RABGAP1L: variants seen among roughly 807,000 people sequenced by gnomAD.
RABGAP1L encodes the protein rab GTPase-activating protein 1-like.
RABGAP1L carries 63 observed loss-of-function variants against 137.7 expected under a neutral mutation model. That is an observed-to-expected ratio of 0.46 (90% confidence interval 0.37 to 0.56). The LOEUF (loss-of-function observed/expected upper bound fraction) is 0.56. RABGAP1L is among the 20% of genes least tolerant of loss of function. The pLI is 0.00. For missense variants in RABGAP1L, 1,095 were observed against 1,244.0 expected, an observed-to-expected ratio of 0.88 and a Z score of 1.80; for synonymous variants, 431 against 433.7, an observed-to-expected ratio of 0.99 and a Z score of 0.08.
At chr1:174,915,425 T>A (rs998039615) in intron 19 of RABGAP1L, among the ~76,000 whole-genome samples, 2 of 152,084 alleles carry the variant, frequency 1.3e-5, no homozygotes, top group African/African-American at 4.8e-5. Flanking sequence ...CTTTATATAT[T>A]TTCTTTGGTA....
chr1:174,496,951 A>G (rs1381374308), intron 13 of RABGAP1L, among the ~76,000 whole-genome samples: 1 of 152,222 alleles, frequency 6.6e-6, no homozygotes, highest in Admixed American at 6.5e-5. Flanking sequence ...TATAAAATGT[A>G]GAAATGAAAT....
In RABGAP1L at chr1:174,293,999, C is replaced by T. The variant is rs192498970; in HGVS notation, c.1324-10987C>T. ...CCTTATTGGAGTTCAGTTAGACATC[C>T]TAGGTTTGTATCCAGTTTACTCTGG... On this transcript the variant is annotated intron_variant, in intron 10 of 25. Transcript: ENST00000681986. 1.7e-3 allele frequency among the ~76,000 whole-genome samples: 258 copies of T among 152,062 alleles called. 2 individuals are homozygous for T. The highest frequency in any genetic ancestry group is 2.2e-3 in the Non-Finnish European group (149 of 67,952).
intron 15 of RABGAP1L, among the ~76,000 whole-genome samples, chr1:174,692,431 A>G (rs1678937295): frequency 6.6e-6 from 1 of 152,210 alleles, no homozygotes; most frequent in Admixed American, 6.5e-5. Flanking sequence ...GAGCTGTGCT[A>G]TAGAGTATAT....
chr1:174,703,485 C>T (rs1679816654), intron 17 of RABGAP1L, among the ~76,000 whole-genome samples: 2 of 152,148 alleles, frequency 1.3e-5, no homozygotes, highest in Non-Finnish European at 1.5e-5. Flanking sequence ...TCCAGTCATC[C>T]ACTGATGGAC....
At chr1:174,876,821 A>G (rs1170503990) in intron 19 of RABGAP1L, among the ~76,000 whole-genome samples, 1 of 152,080 alleles carries the variant, frequency 6.6e-6, no homozygotes, top group Non-Finnish European at 1.5e-5. Context: ...TTATTAATTG[A>G]TATCGCTGTC....
chr1:174,436,984 T>G (rs1295401037), intron 13 of RABGAP1L, among the ~76,000 whole-genome samples: 2 of 152,234 alleles, frequency 1.3e-5, no homozygotes, highest in African/African-American at 2.4e-5. Context: ...TCCAGGAAAC[T>G]CCAACAGACC....
chr1:174,604,090 G>T (rs1457965911), intron 13 of RABGAP1L, among the ~76,000 whole-genome samples: 2 of 151,804 alleles, frequency 1.3e-5, no homozygotes, highest in African/African-American at 2.4e-5. Context: ...ATGTCCTCTG[G>T]CTCAGGGTCC....
chr1:174,511,088 C>T (rs1160744642), intron 13 of RABGAP1L, among the ~76,000 whole-genome samples: 1 of 152,084 alleles, frequency 6.6e-6, no homozygotes, highest in Non-Finnish European at 1.5e-5. Context: ...GATTCATAAC[C>T]TGATAAAGTA....
chr1:174,847,297 T>G (rs1034454573), intron 19 of RABGAP1L, among the ~76,000 whole-genome samples: 2 of 151,670 alleles, frequency 1.3e-5, no homozygotes, highest in Non-Finnish European at 2.9e-5. Context: ...TTTTGCTCGT[T>G]AGTTGATGCA....
chr1:174,463,655 G>A (rs1224296792), intron 13 of RABGAP1L, among the ~76,000 whole-genome samples: 1 of 151,734 alleles, frequency 6.6e-6, no homozygotes, highest in African/African-American at 2.4e-5. Context: ...AAAACTTAAA[G>A]TATAATAATA....
At chr1:174,882,825 A>C (rs16847600) in intron 19 of RABGAP1L, among the ~76,000 whole-genome samples, 1 of 151,912 alleles carries the variant, frequency 6.6e-6, no homozygotes, top group East Asian at 1.9e-4. Flanking sequence ...AGCAGAACAT[A>C]AGAGCTTTTT....
intron 19 of RABGAP1L, among the ~76,000 whole-genome samples, chr1:174,853,978 G>A (rs1648825655): frequency 6.6e-6 from 1 of 152,170 alleles, no homozygotes. Flanking sequence ...CAACAGATGT[G>A]ACAGAGGAAT....
chr1:174,461,250 G>T (rs1362142650), intron 13 of RABGAP1L, among the ~76,000 whole-genome samples: 1 of 152,150 alleles, frequency 6.6e-6, no homozygotes, highest in African/African-American at 2.4e-5. Flanking sequence ...AAATTTTGAG[G>T]CCTGTGTCCT....
chr1:174,675,707 A>G (rs1215019658), intron 14 of RABGAP1L, among the ~76,000 whole-genome samples: 2 of 152,188 alleles, frequency 1.3e-5, no homozygotes, highest in Non-Finnish European at 2.9e-5. Context: ...CTGCATTGCC[A>G]TTACCTGGTT....
At chr1:174,371,596 TTATTA>T (rs1328185042) in intron 12 of RABGAP1L, among the ~76,000 whole-genome samples, 1 of 152,118 alleles carries the variant, frequency 6.6e-6, no homozygotes, top group Non-Finnish European at 1.5e-5. Flanking sequence ...CTGTTTATAT[TTATTA>T]TATTAAGTAC....
rs145316470 is a variant in RABGAP1L, at chr1:174,570,073, T to C, written c.1711-67302T>C. On this transcript the variant is annotated intron_variant, in intron 13 of 25. Transcript: ENST00000681986. ...AAGTGTGCTTTTAGATGCTGCATGT[T>C]ATTCTATGATTTTTATTTTGAGCAA... is the stretch of plus-strand genomic sequence containing the variant. Among the ~76,000 whole-genome samples, 408 of 152,366 alleles carry C rather than the reference T, an allele frequency of 2.7e-3. 1 individual carries two copies. The highest frequency in any genetic ancestry group is 4.8e-3 in the Non-Finnish European group (329 of 68,044).
intron 6 of RABGAP1L, 135 bp from the exon 7 acceptor site, chr1:174,252,345 G>A (rs901145286): frequency 2.0e-6 from 2 of 1,010,220 alleles, no homozygotes; most frequent in African/African-American, 1.7e-5. Context: ...CCTGTGGCAA[G>A]GTGAGAGTTT....
In RABGAP1L at chr1:174,453,136, A is replaced by G. The variant is rs576046925; in HGVS notation, c.1710+58991A>G. On this transcript the variant is annotated intron_variant, in intron 13 of 25. Coordinates refer to ENST00000681986, the MANE Select transcript of RABGAP1L (RefSeq NM_001366446.1). ...AAGCGGATGTTGTGATGAGACAGGC[A>G]TGATTCTGAGGTTAACCTACCTCTT... Among the ~76,000 whole-genome samples the G allele has an allele frequency of 5.3e-5, 8 of 152,342 alleles. No homozygotes were observed. The South Asian group carries it at 1.5e-3, about 28-fold the overall frequency.
Position 174,991,709 on chromosome 1 carries a change from T to C in RABGAP1L, c.*1708T>C, listed in dbSNP as rs1672066818. 1 of 152,170 alleles carries C rather than the reference T, an allele frequency of 6.6e-6. No homozygotes were observed. The allele number at this position is 152,170 out of a possible 1,614,324, so 9.4% of individuals were successfully genotyped here. A position where few individuals can be genotyped will look rare whatever the true frequency, so the allele number is the denominator to read the frequency against. On this transcript the variant is annotated 3_prime_UTR_variant, in exon 26 of 26. Coordinates refer to ENST00000681986, the MANE Select transcript of RABGAP1L (RefSeq NM_001366446.1). ...TTTATTTTCTTAACAAAAAGGAACATAACCCAGCATTCCAAGTGTCTGTGT... is the reference window on the plus strand; with the variant it reads ...TTTATTTTCTTAACAAAAAGGAACACAACCCAGCATTCCAAGTGTCTGTGT...
Sources: allele counts gnomAD v4.1 joint callset (sites outside exome capture counted in the v4.1 genomes callset), GRCh38; gene constraint gnomAD v4.1.1; transcripts MANE v1.5; gene names NCBI Gene and HGNC (gene_info 2026-07-23, HGNC 2026-07-21).